TMC3: variants seen among roughly 807,000 people sequenced by gnomAD.
The protein encoded by TMC3 is transmembrane channel-like protein 3.
A neutral mutation model predicts 110.6 loss-of-function variants in TMC3; 98 were observed. The ratio of observed to expected loss-of-function variants is 0.89; its 90% CI spans 0.75 to 1.05. The LOEUF (loss-of-function observed/expected upper bound fraction) is 1.05. Ranked by LOEUF, TMC3 falls within the 50% of genes least tolerant of loss-of-function variation. The pLI, the probability that TMC3 is intolerant of heterozygous loss-of-function variation, is 0.00. For synonymous variants in TMC3, 489 were observed against 513.1 expected, an observed-to-expected ratio of 0.95 and a Z score of 0.63; for missense variants, 1,319 against 1,373.2, an observed-to-expected ratio of 0.96 and a Z score of 0.62.
chr15:81,360,769 G>T (rs925223163), intron 4 of TMC3, among the ~76,000 whole-genome samples: 1 of 152,090 alleles, frequency 6.6e-6, no homozygotes. Flanking sequence ...AATGGTCACT[G>T]CCTCTAGACT....
At chr15:81,342,445 A>G (rs1202899738) in intron 15 of TMC3, among the ~76,000 whole-genome samples, 2 of 152,216 alleles carry the variant, frequency 1.3e-5, no homozygotes, top group African/African-American at 4.8e-5. Context: ...TGGGTTTACT[A>G]TAAGGATTAA....
intron 9 of TMC3, among the ~76,000 whole-genome samples, chr15:81,352,881 A>G (rs967450932): frequency 2.6e-5 from 4 of 152,222 alleles, no homozygotes; most frequent in Non-Finnish European, 5.9e-5. Flanking sequence ...GTGCAATAGC[A>G]CAATCTCGGC....
chr15:81,347,417 T>C (rs866831148), intron 11 of TMC3, among the ~76,000 whole-genome samples: 2 of 152,168 alleles, frequency 1.3e-5, no homozygotes, highest in Non-Finnish European at 2.9e-5. Flanking sequence ...GAAAGTGGCA[T>C]CTCCAGGGGA....
intron 11 of TMC3, among the ~76,000 whole-genome samples, chr15:81,346,804 A>G (rs530664127): frequency 6.6e-6 from 1 of 152,324 alleles, no homozygotes; most frequent in Admixed American, 6.5e-5. Context: ...TTTCCCATGC[A>G]TTATCTCATT....
At chr15:81,352,538 A>C (rs1893973365) in intron 9 of TMC3, among the ~76,000 whole-genome samples, 1 of 152,226 alleles carries the variant, frequency 6.6e-6, no homozygotes, top group Non-Finnish European at 1.5e-5. Context: ...AATGACTGTT[A>C]CTGGCTTATG....
chr15:81,343,161 A>T lies in TMC3; in HGVS notation c.1715+117T>A, dbSNP rs1447876181. On this transcript the variant is annotated intron_variant, in intron 15 of 21. Coordinates refer to ENST00000359440, the MANE Select transcript of TMC3 (RefSeq NM_001080532.3). ...CATGTGAAATAATAATCTTGGAAAC[A>T]TCCCTTCTTAATGCTTATGTAACTG... 7.0e-6 allele frequency: 4 copies of T among 572,682 alleles called. No individual in the cohort carries two copies. In the African/African-American group the frequency reaches 7.4e-5, roughly 11 times the overall value. The allele number at this position is 572,682 out of a possible 1,614,324, so 35.5% of individuals were successfully genotyped here. A position where few individuals can be genotyped will look rare whatever the true frequency, so the allele number is the denominator to read the frequency against.
rs745916212 is a variant in TMC3, at chr15:81,341,525, C to T, written c.1716-7G>A. 7 of 1,607,948 alleles carry T rather than the reference C, an allele frequency of 4.4e-6. No homozygotes were observed. The African/African-American group carries it at 8.0e-5, about 18-fold the overall frequency. Reference sequence around the variant, plus strand: ...GGAGAAGAAGGCCCCCATCCTGGAACCATGAGGAAGGTCAGTTTGCATCTG... The same window carrying T: ...GGAGAAGAAGGCCCCCATCCTGGAATCATGAGGAAGGTCAGTTTGCATCTG... On this transcript the variant is annotated splice_region_variant and splice_polypyrimidine_tract_variant and intron_variant, in intron 15 of 21. Coordinates refer to ENST00000359440, the MANE Select transcript of TMC3 (RefSeq NM_001080532.3).
At position 81,343,232 on chromosome 15, in the gene TMC3, C is replaced by T. The variant is rs764596323; in HGVS notation, c.1715+46G>A. On this transcript the variant is annotated intron_variant, in intron 15 of 21. Coordinates refer to ENST00000359440, the MANE Select transcript of TMC3 (RefSeq NM_001080532.3). ...TAGACTAAGTAAATTAAAATCTTAG[C>T]CCAGATGAGATGTAAGCAAAGGCAA... is the stretch of plus-strand genomic sequence containing the variant. 2.5e-6 allele frequency: 3 copies of T among 1,223,392 alleles called. No homozygotes were observed. The South Asian group carries it at 3.6e-5, about 15-fold the overall frequency. 75.8% of individuals were successfully genotyped at this position (1,223,392 alleles called of 1,614,324 possible). A position where few individuals can be genotyped will look rare whatever the true frequency, so the allele number is the denominator to read the frequency against.
intron 16 of TMC3, 66 bp from the exon 17 acceptor site, chr15:81,339,570 C>T: frequency 3.3e-6 from 4 of 1,228,368 alleles, no homozygotes; most frequent in Non-Finnish European, 4.7e-6. Flanking sequence ...TTGCATATGC[C>T]CAAAGAGCTG....
At chr15:81,364,346 A>G (rs1025537580) in intron 3 of TMC3, among the ~76,000 whole-genome samples, 1 of 152,180 alleles carries the variant, frequency 6.6e-6, no homozygotes, top group Non-Finnish European at 1.5e-5. Context: ...TGACGTGTTC[A>G]GTAAGGCATG....
Position 81,344,808 on chromosome 15 carries a change from A to G in TMC3, c.1476T>C (p.Thr492=). Residue 492 remains threonine, a synonymous_variant, in exon 13 of 22, where the codon ACT becomes ACC. Coordinates refer to ENST00000359440, the MANE Select transcript of TMC3 (RefSeq NM_001080532.3). ...LIKANKTSLH[T]QSPQDQCWET... is the part of the protein sequence containing the mutation. ...CCCAGCACTGGTCTTGTGGACTCTG[A>G]GTGTGGAGGCTAGTCTTGTTGGCCT... is the stretch of plus-strand genomic sequence containing the variant. 2 of 1,613,892 alleles carry G rather than the reference A, an allele frequency of 1.2e-6. No individual in the cohort carries two copies. The highest frequency in any genetic ancestry group is 1.7e-6 in the Non-Finnish European group (2 of 1,179,864).
Position 81,372,646 on chromosome 15 carries a change from TG to T in TMC3, c.180del (p.Met61TrpfsTer15), listed in dbSNP as rs752693319. The stretch of plus-strand genomic sequence containing the variant: ...CAGGGTCTGCAGCGAATGTTTGCCA[TG>T]AGATCTTTCTGGAACTGTATATTCT... ...IFQNIQFQKD[L>X]MANIRCRPWT... is the part of the protein sequence containing the mutation. On this transcript the variant is annotated frameshift_variant, in exon 2 of 22. Transcript: ENST00000359440. LOFTEE classifies it high-confidence loss of function. 7 of 1,610,914 alleles carry T rather than the reference TG, an allele frequency of 4.3e-6. No individual in the cohort carries two copies. In the South Asian group the frequency reaches 5.5e-5, roughly 13 times the overall value.
intron 2 of TMC3, among the ~76,000 whole-genome samples, chr15:81,370,437 C>T (rs901815798): frequency 2.6e-5 from 4 of 152,174 alleles, no homozygotes; most frequent in African/African-American, 9.7e-5. Flanking sequence ...CTCTGAGACC[C>T]TGGCCGCTGG....
chr15:81,363,727 G>A lies in TMC3; in HGVS notation c.313-1426C>T, dbSNP rs148449436. ...CCCCAGCAATAATTTTTGGTCTCTC[G>A]CATAATGTTTATCATATCCTACCTT... On this transcript the variant is annotated intron_variant, in intron 3 of 21. Coordinates refer to ENST00000359440, the MANE Select transcript of TMC3 (RefSeq NM_001080532.3). Among the ~76,000 whole-genome samples, 262 of 152,246 alleles carry A rather than the reference G, an allele frequency of 1.7e-3. 3 individuals carry two copies. Among genetic ancestry groups the A allele is most frequent in the African/African-American group, 6.1e-3 (253 of 41,528 alleles).
chr15:81,334,806 C>A lies in TMC3; in HGVS notation c.2373G>T (p.Met791Ile). Residue 791 changes from methionine to isoleucine, a missense_variant, in exon 21 of 22, where the codon ATG (methionine) becomes ATT (isoleucine). Physicochemically the swap from Met to Ile is conservative, Grantham distance 10 (BLOSUM62 1). Transcript: ENST00000359440. ...TGTCCCCTGGCCTCGGGCTCTGGGG[C>A]ATGGACTGTGCGACTGTCTCTATCC... The part of the protein sequence containing the change: ...SGRIETVAQS[M>I]PQSPRPGDRA... 6.2e-7 allele frequency: 1 copy of A among 1,614,022 alleles called. No homozygotes were observed.
At chr15:81,359,176 C>T (rs376300333) in intron 5 of TMC3, among the ~76,000 whole-genome samples, 189 bp downstream of exon 5, 5 of 152,294 alleles carry the variant, frequency 3.3e-5, no homozygotes, top group Admixed American at 6.5e-5. Flanking sequence ...GTCATTGTGA[C>T]GGACACCAAG....
At chr15:81,353,763 T>C (rs1894001618) in intron 9 of TMC3, among the ~76,000 whole-genome samples, 1 of 152,248 alleles carries the variant, frequency 6.6e-6, no homozygotes, top group South Asian at 2.1e-4. Flanking sequence ...AATGTGATCC[T>C]GTCACTATGC....
intron 4 of TMC3, among the ~76,000 whole-genome samples, chr15:81,361,350 A>C (rs746412621): frequency 6.6e-6 from 1 of 152,192 alleles, no homozygotes; most frequent in Non-Finnish European, 1.5e-5. Context: ...CAGTAGACTG[A>C]CTTCAATAAT....
chr15:81,372,571 A>G lies in TMC3; in HGVS notation c.236+20T>C. The stretch of plus-strand genomic sequence containing the variant: ...GAAAGCATGCTTGTAATGATCAATA[A>G]TGGCCATTGAGGCCCTTACCTCAAT... On this transcript the variant is annotated intron_variant, in intron 2 of 21. Coordinates refer to ENST00000359440, the MANE Select transcript of TMC3 (RefSeq NM_001080532.3). 6.2e-7 allele frequency: 1 copy of G among 1,612,670 alleles called. No individual in the cohort carries two copies.
Sources: gnomAD v4.1 joint callset for allele counts (sites outside exome capture counted in the v4.1 genomes callset) on GRCh38, gnomAD v4.1.1 for gene constraint, MANE v1.5 for transcripts, NCBI Gene and HGNC (gene_info 2026-07-23, HGNC 2026-07-21) for gene names.